ZDHHC20: variants seen among roughly 807,000 people sequenced by gnomAD.
ZDHHC20 encodes palmitoyltransferase ZDHHC20.
In ZDHHC20, 43 loss-of-function variants were observed where a neutral mutation model predicts 57.8. The observed-to-expected ratio is 0.74, with a 90% CI of 0.58 to 0.96. The LOEUF is 0.96. ZDHHC20 is among the 40% of genes least tolerant of loss of function. The pLI is 0.00. For missense variants in ZDHHC20, 391 were observed against 441.1 expected (o/e 0.89, Z 1.02); for synonymous variants, 157 against 153.0 (o/e 1.03, Z -0.19).
At chr13:21,393,996 G>A (rs186275613) in intron 7 of ZDHHC20, among the ~76,000 whole-genome samples, 34 of 152,264 alleles carry the variant, frequency 2.2e-4, no homozygotes, top group Non-Finnish European at 4.3e-4. Flanking sequence ...TATTCCAGCC[G>A]GGATGCTGCA....
At chr13:21,387,126 GTCT>G (rs1392698506) in intron 9 of ZDHHC20, among the ~76,000 whole-genome samples, 3 of 152,094 alleles carry the variant, frequency 2.0e-5, no homozygotes, top group Admixed American at 6.6e-5. Context: ...TATGTGGTTG[GTCT>G]TCTTTGATTT....
chr13:21,411,858 A>G (rs1014742182), intron 4 of ZDHHC20, among the ~76,000 whole-genome samples: 2 of 152,240 alleles, frequency 1.3e-5, no homozygotes, highest in Non-Finnish European at 2.9e-5. Flanking sequence ...ATAGAAGTGA[A>G]CGAGGCAGAC....
chr13:21,387,324 C>T (rs1874722386), intron 9 of ZDHHC20, among the ~76,000 whole-genome samples, 184 bp downstream of exon 9: 1 of 151,872 alleles, frequency 6.6e-6, no homozygotes, highest in African/African-American at 2.4e-5. Flanking sequence ...TCTCCTTAAC[C>T]TTATCTAATT....
chr13:21,441,352 G>A (rs188424724), intron 1 of ZDHHC20, among the ~76,000 whole-genome samples: 175 of 150,750 alleles, frequency 1.2e-3, no homozygotes, highest in African/African-American at 4.0e-3. Context: ...GATGTTACCA[G>A]ATATGGATAG....
At chr13:21,440,681 C>G (rs1883057675) in intron 1 of ZDHHC20, among the ~76,000 whole-genome samples, 1 of 122,312 alleles carries the variant, frequency 8.2e-6, no homozygotes, top group Non-Finnish European at 2.0e-5. Context: ...AAGATTTTAT[C>G]CATTTGTACT....
chr13:21,396,808 G>T (rs912232362), intron 7 of ZDHHC20, among the ~76,000 whole-genome samples: 1 of 148,542 alleles, frequency 6.7e-6, no homozygotes, highest in Non-Finnish European at 1.5e-5. Flanking sequence ...ACTCCAGCCT[G>T]CATGACAGAG....
chr13:21,439,062 T>G (rs1882853870), intron 1 of ZDHHC20, among the ~76,000 whole-genome samples: 1 of 152,244 alleles, frequency 6.6e-6, no homozygotes, highest in South Asian at 2.1e-4. Context: ...AACCAAAAAC[T>G]TGTATGACTT....
At chr13:21,379,334 TGCAGTG>T (rs1220995949) in intron 11 of ZDHHC20, among the ~76,000 whole-genome samples, 1 of 152,022 alleles carries the variant, frequency 6.6e-6, no homozygotes. Context: ...CAGGGTGAAG[TGCAGTG>T]GCATGATCAT....
intron 1 of ZDHHC20, among the ~76,000 whole-genome samples, chr13:21,442,396 C>G (rs1197541341): frequency 6.6e-6 from 1 of 152,152 alleles, no homozygotes; most frequent in Non-Finnish European, 1.5e-5. Context: ...CCATTTCTTT[C>G]CTGAGTTTGA....
At chr13:21,435,968 G>A (rs993799049) in intron 1 of ZDHHC20, among the ~76,000 whole-genome samples, 13 of 152,184 alleles carry the variant, frequency 8.5e-5, no homozygotes, top group African/African-American at 2.9e-4. Flanking sequence ...TTCAGCAACC[G>A]GCAGGGAGCT....
In ZDHHC20 at chr13:21,456,609, T is replaced by G. The variant is rs568821174; in HGVS notation, c.118+2445A>C. The stretch of plus-strand genomic sequence containing the variant: ...ATAGTTTTAATATGAGTAAATGCAC[T>G]TTTATGCTCAACTATTTTATACTCC... On this transcript the variant is annotated intron_variant, in intron 1 of 12. Transcript: ENST00000400590. 1.1e-4 allele frequency among the ~76,000 whole-genome samples: 16 copies of G among 152,286 alleles called. No homozygotes were observed. In the South Asian group the frequency reaches 3.3e-3, roughly 32 times the overall value.
intron 1 of ZDHHC20, among the ~76,000 whole-genome samples, chr13:21,427,533 T>C (rs1682237549): frequency 1.3e-5 from 2 of 151,840 alleles, no homozygotes; most frequent in Admixed American, 1.3e-4. Context: ...TAAAACTGCT[T>C]CATATAAAAA....
chr13:21,402,954 C>T, intron 4 of ZDHHC20, 88 bp from the exon 5 acceptor site: 1 of 994,866 alleles, frequency 1.0e-6, no homozygotes, highest in African/African-American at 1.6e-5. Flanking sequence ...AAAAAAATAA[C>T]TCTGGGTAAT....
At chr13:21,400,284 C>G (rs1477054659) in intron 7 of ZDHHC20, 89 bp downstream of exon 7, 6 of 1,255,832 alleles carry the variant, frequency 4.8e-6, no homozygotes, top group Non-Finnish European at 6.4e-6. Context: ...TAAAGTATAT[C>G]TACTTGTCAT....
At chr13:21,406,033 A>AC (rs1878390777) in intron 4 of ZDHHC20, among the ~76,000 whole-genome samples, 1 of 152,222 alleles carries the variant, frequency 6.6e-6, no homozygotes, top group Non-Finnish European at 1.5e-5. Flanking sequence ...CTGAGTGGTT[A>AC]AGATTGTGTA....
chr13:21,436,299 A>G (rs1882535132), intron 1 of ZDHHC20, among the ~76,000 whole-genome samples: 1 of 152,252 alleles, frequency 6.6e-6, no homozygotes, highest in Non-Finnish European at 1.5e-5. Context: ...ATTCTTGCTG[A>G]AAATACATAT....
intron 1 of ZDHHC20, among the ~76,000 whole-genome samples, chr13:21,432,575 A>G (rs1882096751): frequency 6.6e-6 from 1 of 151,842 alleles, no homozygotes; most frequent in Non-Finnish European, 1.5e-5. Context: ...CTCGTGATCC[A>G]CCTGCCTCGG....
chr13:21,383,044 G>T (rs758529622), intron 9 of ZDHHC20, 35 bp from the exon 10 acceptor site: 9 of 1,515,752 alleles, frequency 5.9e-6, no homozygotes, highest in Non-Finnish European at 8.1e-6. Flanking sequence ...TTTAAATAAT[G>T]TTAAGTTAAA....
At position 21,372,881 on chromosome 13, in the gene ZDHHC20, C is replaced by CAACA. The variant is rs1938337941; in HGVS notation, c.*3814_*3815insTGTT. 6.6e-6 allele frequency: 1 copy of CAACA among 152,166 alleles called. No homozygotes were observed. The highest frequency in any genetic ancestry group is 1.5e-5 in the Non-Finnish European group (1 of 68,006). 9.4% of individuals were successfully genotyped at this position (152,166 alleles called of 1,614,324 possible). A position where few individuals can be genotyped will look rare whatever the true frequency, so the allele number is the denominator to read the frequency against. ...GCATAGACTCATTTGCAGTCATGTACAAATATACCTAATAGCTTTCTTCAT... is the reference window on the plus strand; with the variant it reads ...GCATAGACTCATTTGCAGTCATGTACAACAAAATATACCTAATAGCTTTCTTCAT... On this transcript the variant is annotated 3_prime_UTR_variant, in exon 13 of 13. Coordinates refer to ENST00000400590, the MANE Select transcript of ZDHHC20 (RefSeq NM_001330059.2).
Sources: gnomAD v4.1 joint callset for allele counts (sites outside exome capture counted in the v4.1 genomes callset) on GRCh38, gnomAD v4.1.1 for gene constraint, MANE v1.5 for transcripts, NCBI Gene and HGNC (gene_info 2026-07-23, HGNC 2026-07-21) for gene names.